Variants in SLC9D1 observed in about 807,000 individuals in gnomAD.
SLC9D1 encodes putative LAG1-interacting protein.
At chr13:113,534,217 G>A in the SLC9D1 span, 1 of 1,613,660 alleles carries the variant, frequency 6.2e-7, no homozygotes, top group Non-Finnish European at 8.5e-7. Context: ...GGGAATATCT[G>A]CCTTTATCTT....
chr13:113,502,356 GGTGCACA>G, the SLC9D1 span, among the ~76,000 whole-genome samples: 1 of 152,070 alleles, frequency 6.6e-6, no homozygotes, highest in Non-Finnish European at 1.5e-5. Context: ...TGGGATTACA[GGTGCACA>G]CCACCACACC....
chr13:113,532,305 A>C, the SLC9D1 span, among the ~76,000 whole-genome samples: 1 of 152,220 alleles, frequency 6.6e-6, no homozygotes, highest in African/African-American at 2.4e-5. Context: ...GTGAGCCCCC[A>C]GACGCACAGG....
chr13:113,516,710 C>T, the SLC9D1 span, among the ~76,000 whole-genome samples: 1 of 152,198 alleles, frequency 6.6e-6, no homozygotes, highest in Non-Finnish European at 1.5e-5. Flanking sequence ...GCAAATTCTG[C>T]TCCTTTTCTA....
At chr13:113,514,226 A>T in the SLC9D1 span, 25 of 145,026 alleles carry the variant, frequency 1.7e-4, no homozygotes. Context: ...ACTTTTATTG[A>T]AAGGCATTTT....
At chr13:113,509,352 C>CTGTG in the SLC9D1 span, among the ~76,000 whole-genome samples, 2 of 82,160 alleles carry the variant, frequency 2.4e-5, no homozygotes, top group Non-Finnish European at 2.2e-5. Flanking sequence ...CTGGAGCTGC[C>CTGTG]TATGTTGGGG....
At chr13:113,531,490 T>C in the SLC9D1 span, among the ~76,000 whole-genome samples, 59,456 of 128,170 alleles carry the variant, frequency 0.46, 13,169 homozygotes, top group African/African-American at 0.65. Flanking sequence ...AAGAGCAGCA[T>C]GCGTGTGGAC....
At chr13:113,520,593 C>T in the SLC9D1 span, 2 of 1,576,692 alleles carry the variant, frequency 1.3e-6, no homozygotes, top group South Asian at 2.2e-5. Flanking sequence ...GTAGACCTGT[C>T]TTCAATGCCT....
chr13:113,496,586 T>C, the SLC9D1 span, among the ~76,000 whole-genome samples: 1 of 152,264 alleles, frequency 6.6e-6, no homozygotes, highest in Non-Finnish European at 1.5e-5. Context: ...TTTACATTTT[T>C]TAAAGCCATC....
chr13:113,511,432 G>A, the SLC9D1 span, among the ~76,000 whole-genome samples: 1 of 152,252 alleles, frequency 6.6e-6, no homozygotes, highest in Admixed American at 6.5e-5. Flanking sequence ...GGGTGCTGGA[G>A]CATGTGGGAC....
the SLC9D1 span, among the ~76,000 whole-genome samples, chr13:113,531,577 G>A: frequency 2.7e-5 from 4 of 148,000 alleles, no homozygotes; most frequent in Admixed American, 6.7e-5. Flanking sequence ...ACGGCACCCC[G>A]TACATGCAGA....
the SLC9D1 span, chr13:113,536,712 C>T: frequency 6.5e-5 from 13 of 201,414 alleles, no homozygotes; most frequent in South Asian, 1.7e-3. Context: ...CATCTGCACC[C>T]GATGCCACAA....
At chr13:113,516,369 G>A in the SLC9D1 span, among the ~76,000 whole-genome samples, 1 of 151,850 alleles carries the variant, frequency 6.6e-6, no homozygotes, top group East Asian at 1.9e-4. Flanking sequence ...GTTCAAGACC[G>A]TCCTGGCCAA....
chr13:113,493,638 CCTAT>C, the SLC9D1 span, among the ~76,000 whole-genome samples: 1 of 152,214 alleles, frequency 6.6e-6, no homozygotes, highest in Non-Finnish European at 1.5e-5. Context: ...TATCATTTAT[CCTAT>C]CTTGTTAGGA....
chr13:113,526,882 T>C, the SLC9D1 span, among the ~76,000 whole-genome samples: 2 of 152,288 alleles, frequency 1.3e-5, no homozygotes, highest in African/African-American at 4.8e-5. Context: ...TTTGATGCTA[T>C]ACTTTCAGTG....
chr13:113,519,064 A>G, the SLC9D1 span, among the ~76,000 whole-genome samples: 1 of 143,952 alleles, frequency 6.9e-6, no homozygotes, highest in African/African-American at 2.6e-5. Context: ...TTTTTTTGAG[A>G]CGGAGTCTCG....
chr13:113,507,609 G>A, the SLC9D1 span, among the ~76,000 whole-genome samples: 1 of 152,310 alleles, frequency 6.6e-6, no homozygotes, highest in Non-Finnish European at 1.5e-5. Flanking sequence ...CTCTGTTCTC[G>A]CCCTTGTAGC....
the SLC9D1 span, chr13:113,539,265 G>T: frequency 8.2e-7 from 1 of 1,220,272 alleles, no homozygotes; most frequent in South Asian, 1.3e-5. This position sits in a 1 kb window ranked among gnomAD's most constrained non-coding sequence, Gnocchi z 4.8. Context: ...TTTTGTCGTG[G>T]TGGCTCTGCT....
chr13:113,496,159 T>G, the SLC9D1 span: 9 of 645,060 alleles, frequency 1.4e-5, no homozygotes, highest in African/African-American at 3.7e-5. Flanking sequence ...AGGGAAGGCG[T>G]GAATGCTGCT....
the SLC9D1 span, among the ~76,000 whole-genome samples, chr13:113,525,961 C>T: frequency 2.0e-5 from 3 of 151,466 alleles, no homozygotes; most frequent in Non-Finnish European, 4.4e-5. Context: ...AACAAGCCGT[C>T]GTCGTCGTAG....
Sources: allele counts gnomAD v4.1 joint callset (sites outside exome capture counted in the v4.1 genomes callset), GRCh38; gene constraint gnomAD v4.1.1; non-coding constraint Gnocchi (gnomAD v3.1); transcripts MANE v1.5; gene names NCBI Gene and HGNC (gene_info 2026-07-23, HGNC 2026-07-21).